The following ITSN2 variants were observed in gnomAD, a reference collection of about 807,000 sequenced individuals.
ITSN2 encodes intersectin-2.
Under a neutral mutation model 243.7 loss-of-function variants are expected in ITSN2, and 156 were observed. That is an observed-to-expected ratio of 0.64 (90% CI 0.56 to 0.73). The LOEUF is 0.73. ITSN2 is among the 30% of genes least tolerant of loss of function. The pLI, the probability that ITSN2 is intolerant of heterozygous loss-of-function variation, is 0.00. For synonymous variants in ITSN2, 703 were observed against 699.9 expected, an observed-to-expected ratio of 1.00 and a Z score of -0.07; for missense variants, 1,801 against 1,996.1, an observed-to-expected ratio of 0.90 and a Z score of 1.86.
intron 29 of ITSN2, chr2:24,239,422 A>C (rs1167602441): frequency 1.3e-5 from 2 of 152,074 alleles, no homozygotes; most frequent in African/African-American, 4.8e-5. Context: ...TTTAAGATAA[A>C]GTTTTAGAGA....
At chr2:24,210,630 A>AAAAG in intron 34 of ITSN2, 150 bp downstream of exon 34, 3 of 629,014 alleles carry the variant, frequency 4.8e-6, no homozygotes, top group Middle Eastern at 4.5e-4. Context: ...AAAAAAAAAA[A>AAAAG]AAAAGAAAAA....
At chr2:24,288,167 A>G (rs1013708523) in intron 15 of ITSN2, among the ~76,000 whole-genome samples, 3 of 152,020 alleles carry the variant, frequency 2.0e-5, no homozygotes, top group Admixed American at 1.3e-4. Flanking sequence ...TTCATGTCTT[A>G]TGTTTAATCC....
At chr2:24,303,350 A>G (rs1274424220) in intron 9 of ITSN2, among the ~76,000 whole-genome samples, 2 of 152,196 alleles carry the variant, frequency 1.3e-5, no homozygotes, top group Non-Finnish European at 2.9e-5. Context: ...CTACAGGCCT[A>G]AGCTAATGGG....
At chr2:24,231,551 AC>A (rs932393424) in intron 29 of ITSN2, among the ~76,000 whole-genome samples, 6 of 152,104 alleles carry the variant, frequency 3.9e-5, no homozygotes, top group African/African-American at 7.2e-5. Flanking sequence ...CACAAGACCC[AC>A]CCCCACACTG....
chr2:24,340,480 CAA>C (rs953572108), intron 1 of ITSN2, among the ~76,000 whole-genome samples: 7 of 125,954 alleles, frequency 5.6e-5, no homozygotes, highest in Non-Finnish European at 6.8e-5. Flanking sequence ...AACTCCATCT[CAA>C]AAAAAAAAAA....
intron 17 of ITSN2, among the ~76,000 whole-genome samples, 162 bp downstream of exon 17, chr2:24,284,601 C>G (rs1376549965): frequency 6.6e-6 from 1 of 151,858 alleles, no homozygotes; most frequent in Non-Finnish European, 1.5e-5. Context: ...AACAGGCAGT[C>G]AGATAGCAGA....
At chr2:24,266,657 G>A (rs1056835783) in intron 20 of ITSN2, among the ~76,000 whole-genome samples, 3 of 151,854 alleles carry the variant, frequency 2.0e-5, no homozygotes, top group South Asian at 4.2e-4. Context: ...TGCCAGGCAC[G>A]GTGGTTCATG....
At chr2:24,282,580 T>G (rs2151532108) in intron 17 of ITSN2, among the ~76,000 whole-genome samples, 1 of 152,164 alleles carries the variant, frequency 6.6e-6, no homozygotes, top group Non-Finnish European at 1.5e-5. Flanking sequence ...GACGGCAAAC[T>G]AAAAGAGCAC....
At chr2:24,328,420 A>T (rs1685396182) in intron 1 of ITSN2, among the ~76,000 whole-genome samples, 1 of 152,190 alleles carries the variant, frequency 6.6e-6, no homozygotes, top group South Asian at 2.1e-4. Flanking sequence ...GAAAAAAATA[A>T]ATCAACTGTA....
chr2:24,276,866 C>T (rs1259497906), intron 17 of ITSN2, among the ~76,000 whole-genome samples: 1 of 152,148 alleles, frequency 6.6e-6, no homozygotes, highest in African/African-American at 2.4e-5. Context: ...TTCTGCAGCT[C>T]ATTAAACTGG....
chr2:24,340,143 G>T (rs1686884572), intron 1 of ITSN2, among the ~76,000 whole-genome samples: 1 of 152,140 alleles, frequency 6.6e-6, no homozygotes, highest in African/African-American at 2.4e-5. Context: ...TTTGGACATT[G>T]CTGTGCAAGT....
intron 1 of ITSN2, among the ~76,000 whole-genome samples, chr2:24,337,768 A>C (rs1055531023): frequency 2.6e-5 from 4 of 151,276 alleles, no homozygotes; most frequent in Admixed American, 2.6e-4. Context: ...TAGGACTACA[A>C]GTGTGCACCA....
At chr2:24,219,114 C>T (rs1465461820) in intron 30 of ITSN2, among the ~76,000 whole-genome samples, 1 of 152,214 alleles carries the variant, frequency 6.6e-6, no homozygotes, top group African/African-American at 2.4e-5. Flanking sequence ...GAGTAGCAAA[C>T]TTGTCCTTGT....
chr2:24,255,028 C>G (rs545711599), intron 23 of ITSN2, among the ~76,000 whole-genome samples: 1 of 152,254 alleles, frequency 6.6e-6, no homozygotes, highest in African/African-American at 2.4e-5. Context: ...GAAGGGGAAC[C>G]TTATTACAAC....
chr2:24,210,463 T>C, intron 34 of ITSN2: 1 of 293,650 alleles, frequency 3.4e-6, no homozygotes, highest in Non-Finnish European at 6.3e-6. Context: ...AATACGAAAA[T>C]TAGCTGGGCA....
chr2:24,220,492 C>A, intron 30 of ITSN2: 1 of 996,060 alleles, frequency 1.0e-6, no homozygotes, highest in South Asian at 4.7e-5. Flanking sequence ...CAAACTGATA[C>A]AACCATGAGG....
chr2:24,334,791 C>T (rs924290521), intron 1 of ITSN2: 23 of 1,372,788 alleles, frequency 1.7e-5, no homozygotes, highest in Admixed American at 1.1e-4. Context: ...TGGCCGGGCG[C>T]GGTGGCTCAC....
chr2:24,238,080 T>G (rs749541490), intron 29 of ITSN2, among the ~76,000 whole-genome samples: 1 of 152,224 alleles, frequency 6.6e-6, no homozygotes, highest in Non-Finnish European at 1.5e-5. Context: ...TATTGCTACT[T>G]ATCTTATGGA....
chr2:24,293,851 C>A, intron 14 of ITSN2, 76 bp from the exon 15 acceptor site: 1 of 474,788 alleles, frequency 2.1e-6, no homozygotes, highest in East Asian at 3.4e-5. Context: ...AACTTTAAAA[C>A]AGGATTTACT....
Sources: gnomAD v4.1 joint callset for allele counts (sites outside exome capture counted in the v4.1 genomes callset) on GRCh38, gnomAD v4.1.1 for gene constraint, MANE v1.5 for transcripts, NCBI Gene and HGNC (gene_info 2026-07-23, HGNC 2026-07-21) for gene names.